The following SLC10A7 variants were observed in gnomAD, a reference collection of about 807,000 sequenced individuals.
SLC10A7 encodes sodium/bile acid cotransporter 7.
SLC10A7 carries 29 observed loss-of-function variants against 43.2 expected under a neutral mutation model. That is an observed-to-expected ratio of 0.67 (90% CI 0.50 to 0.92). SLC10A7 has a LOEUF of 0.92. Among genes scored for constraint, SLC10A7 ranks in the 40% least tolerant of loss-of-function variants. The pLI is 0.00. For missense variants in SLC10A7, 295 were observed against 403.2 expected, an observed-to-expected ratio of 0.73 and a Z score of 2.30; for synonymous variants, 152 against 144.8, an observed-to-expected ratio of 1.05 and a Z score of -0.35.
chr4:146,447,317 C>T (rs1166320947), intron 4 of SLC10A7, among the ~76,000 whole-genome samples: 1 of 152,048 alleles, frequency 6.6e-6, no homozygotes, highest in Non-Finnish European at 1.5e-5. Context: ...CTATGTTGCC[C>T]AGGCTGGTCT....
At chr4:146,264,981 A>G (rs534248930) in intron 10 of SLC10A7, among the ~76,000 whole-genome samples, 2 of 152,280 alleles carry the variant, frequency 1.3e-5, no homozygotes, top group South Asian at 4.1e-4. Context: ...ATATTCCCCA[A>G]ATCCACAGTC....
At chr4:146,381,676 GTTC>G (rs906646666) in intron 5 of SLC10A7, among the ~76,000 whole-genome samples, 1 of 152,070 alleles carries the variant, frequency 6.6e-6, no homozygotes, top group Non-Finnish European at 1.5e-5. Context: ...AGGGAGGCAA[GTTC>G]TTCTTTTCCC....
chr4:146,369,382 T>C (rs564387394), intron 5 of SLC10A7, among the ~76,000 whole-genome samples: 7 of 152,356 alleles, frequency 4.6e-5, no homozygotes, highest in African/African-American at 1.7e-4. Flanking sequence ...TCAGGAACTA[T>C]TGGTTAACAT....
chr4:146,360,625 TG>T (rs1735978506), intron 5 of SLC10A7, among the ~76,000 whole-genome samples: 1 of 152,028 alleles, frequency 6.6e-6, no homozygotes, highest in South Asian at 2.1e-4. Context: ...TTTGTTTGTT[TG>T]TTTTTTTGTT....
rs141127059 is a variant in SLC10A7 at position 146,382,041 on chromosome 4, A to T, written c.436-56045T>A. ...TTAGAGAAGGCATTCAAACTCTCTA[A>T]AGGCATGGGATAAGAGAAAAAAAAA... On this transcript the variant is annotated intron_variant, in intron 5 of 11. Transcript: ENST00000335472. Among the ~76,000 whole-genome samples the T allele has an allele frequency of 1.2e-4, 19 of 152,152 alleles. No homozygotes were observed. The East Asian group carries it at 3.7e-3, about 29-fold the overall frequency.
intron 5 of SLC10A7, among the ~76,000 whole-genome samples, chr4:146,392,323 C>A (rs1738493659): frequency 6.6e-6 from 1 of 152,118 alleles, no homozygotes; most frequent in African/African-American, 2.4e-5. Context: ...TTCTATCTCC[C>A]TTATCTCTTA....
chr4:146,443,127 T>G (rs1312674297), intron 4 of SLC10A7, among the ~76,000 whole-genome samples: 1 of 152,222 alleles, frequency 6.6e-6, no homozygotes, highest in Non-Finnish European at 1.5e-5. Flanking sequence ...ATGTTGCTAT[T>G]GATTTTCCTA....
intron 3 of SLC10A7, among the ~76,000 whole-genome samples, chr4:146,506,795 C>T (rs1266030812): frequency 6.6e-6 from 1 of 151,750 alleles, no homozygotes; most frequent in Admixed American, 6.6e-5. Context: ...GCTCTCCTGC[C>T]ATCTTTTCAA....
chr4:146,466,033 ATGTGTTT>A (rs1732997456), intron 4 of SLC10A7, among the ~76,000 whole-genome samples: 2 of 152,266 alleles, frequency 1.3e-5, no homozygotes, highest in South Asian at 4.2e-4. Flanking sequence ...AAAGAAGTTT[ATGTGTTT>A]TAGAAAAAAA....
intron 10 of SLC10A7, among the ~76,000 whole-genome samples, chr4:146,279,647 A>AAATAAT (rs1729421883): frequency 6.6e-6 from 1 of 152,162 alleles, no homozygotes. Context: ...GCAGCAAACA[A>AAATAAT]GCCCTGTAGT....
At chr4:146,282,078 T>C (rs1729590093) in intron 10 of SLC10A7, among the ~76,000 whole-genome samples, 1 of 152,180 alleles carries the variant, frequency 6.6e-6, no homozygotes, top group South Asian at 2.1e-4. Context: ...AATTGATTTG[T>C]CTAAGGTCAC....
chr4:146,494,888 A>C (rs1241197750), intron 4 of SLC10A7, among the ~76,000 whole-genome samples: 1 of 152,216 alleles, frequency 6.6e-6, no homozygotes, highest in African/African-American at 2.4e-5. Flanking sequence ...GAAAATTCTA[A>C]GTTACACAAA....
chr4:146,488,032 A>AT (rs1405946996), intron 4 of SLC10A7, among the ~76,000 whole-genome samples: 2 of 151,932 alleles, frequency 1.3e-5, no homozygotes, highest in African/African-American at 4.8e-5. Context: ...ACGAAAAAAA[A>AT]TTTTTTTAAT....
chr4:146,263,096 G>A (rs1389333970), intron 10 of SLC10A7, among the ~76,000 whole-genome samples: 3 of 152,186 alleles, frequency 2.0e-5, no homozygotes, highest in Non-Finnish European at 4.4e-5. Flanking sequence ...TTGCACCTGA[G>A]CTCTTTCTGC....
chr4:146,259,670 T>C (rs1191407922), intron 10 of SLC10A7, among the ~76,000 whole-genome samples: 4 of 152,254 alleles, frequency 2.6e-5, no homozygotes, highest in Non-Finnish European at 4.4e-5. Flanking sequence ...TACTACTTCA[T>C]GAGTCTACTA....
At chr4:146,382,300 A>C (rs745542821) in intron 5 of SLC10A7, among the ~76,000 whole-genome samples, 1 of 152,134 alleles carries the variant, frequency 6.6e-6, no homozygotes, top group Non-Finnish European at 1.5e-5. Context: ...GGACTGCATA[A>C]AGTGGCCTAT....
chr4:146,306,305 T>C (rs1198494360), intron 6 of SLC10A7, among the ~76,000 whole-genome samples: 4 of 152,180 alleles, frequency 2.6e-5, no homozygotes, highest in Non-Finnish European at 5.9e-5. Flanking sequence ...TATAATCATA[T>C]GGCATGATAT....
At chr4:146,373,717 A>G (rs926654345) in intron 5 of SLC10A7, among the ~76,000 whole-genome samples, 7 of 152,186 alleles carry the variant, frequency 4.6e-5, no homozygotes, top group Non-Finnish European at 5.9e-5. Context: ...AAAAATACTA[A>G]TATCCAAACT....
chr4:146,366,506 C>A (rs1323438931), intron 5 of SLC10A7, among the ~76,000 whole-genome samples: 1 of 152,100 alleles, frequency 6.6e-6, no homozygotes, highest in Non-Finnish European at 1.5e-5. Context: ...GTCATGTCTA[C>A]TTCTTGGGGT....
Sources: allele counts gnomAD v4.1 joint callset (sites outside exome capture counted in the v4.1 genomes callset), GRCh38; gene constraint gnomAD v4.1.1; transcripts MANE v1.5; gene names NCBI Gene and HGNC (gene_info 2026-07-23, HGNC 2026-07-21).